The following AGBL4 variants were observed in gnomAD, a reference collection of about 807,000 sequenced individuals.
AGBL4 encodes AGBL carboxypeptidase 4.
AGBL4 carries 58 observed loss-of-function variants against 66.4 expected under a neutral mutation model. The observed-to-expected ratio is 0.87, with a 90% CI of 0.71 to 1.09. AGBL4 has a LOEUF of 1.09. Among genes scored for constraint, AGBL4 ranks in the 50% least tolerant of loss-of-function variants. The probability of loss-of-function intolerance (pLI) is 0.00; values close to 1 mark genes in which losing one functional copy is unlikely to be tolerated. For synonymous variants in AGBL4, 234 were observed against 222.9 expected, an observed-to-expected ratio of 1.05 and a Z score of -0.44; for missense variants, 579 against 631.0, an observed-to-expected ratio of 0.92 and a Z score of 0.88.
intron 3 of AGBL4, among the ~76,000 whole-genome samples, chr1:49,686,556 T>G (rs1173971734): frequency 1.3e-5 from 2 of 152,218 alleles, no homozygotes; most frequent in Admixed American, 6.5e-5. Flanking sequence ...GTGGTAGGAT[T>G]TGCCACTTCT....
intron 4 of AGBL4, among the ~76,000 whole-genome samples, chr1:49,140,878 A>T (rs546390699): frequency 3.3e-5 from 5 of 152,320 alleles, no homozygotes; most frequent in Admixed American, 2.6e-4. Flanking sequence ...AAATACTATA[A>T]ATGCAATGGG....
At chr1:49,937,851 G>C (rs1654261606) in intron 1 of AGBL4, among the ~76,000 whole-genome samples, 1 of 151,700 alleles carries the variant, frequency 6.6e-6, no homozygotes. Flanking sequence ...GTGTGTAGAG[G>C]GATTATACAT....
At chr1:49,618,019 G>A (rs573512153) in intron 3 of AGBL4, among the ~76,000 whole-genome samples, 7 of 152,114 alleles carry the variant, frequency 4.6e-5, no homozygotes, top group East Asian at 1.9e-4. Flanking sequence ...CCCAACACCC[G>A]ACACGCCCTG....
At chr1:49,748,874 T>C (rs1651216582) in intron 2 of AGBL4, among the ~76,000 whole-genome samples, 1 of 152,162 alleles carries the variant, frequency 6.6e-6, no homozygotes, top group South Asian at 2.1e-4. Context: ...TTCTTGTAAA[T>C]GTGTTTAGGT....
At chr1:49,994,751 C>T (rs771536466) in intron 1 of AGBL4, 16 of 210,712 alleles carry the variant, frequency 7.6e-5, no homozygotes, top group Non-Finnish European at 1.4e-4. Context: ...AGAGAATCTA[C>T]AGACCCTTTG....
At chr1:49,165,635 G>A (rs1311600647) in intron 4 of AGBL4, among the ~76,000 whole-genome samples, 1 of 151,482 alleles carries the variant, frequency 6.6e-6, no homozygotes, top group Non-Finnish European at 1.5e-5. Flanking sequence ...AGACAAGAAA[G>A]GGAAAAGAAG....
chr1:49,340,548 C>T (rs1294739193), intron 3 of AGBL4, among the ~76,000 whole-genome samples: 3 of 152,200 alleles, frequency 2.0e-5, no homozygotes, highest in Non-Finnish European at 4.4e-5. Flanking sequence ...CAGGTCCTTA[C>T]TCCAAGAATC....
At chr1:48,676,945 G>A (rs1646375571) in intron 6 of AGBL4, among the ~76,000 whole-genome samples, 1 of 152,080 alleles carries the variant, frequency 6.6e-6, no homozygotes, top group Non-Finnish European at 1.5e-5. Context: ...AGGAGAAGAG[G>A]ACCAGTGGTC....
At chr1:49,168,953 C>A (rs2148157835) in intron 4 of AGBL4, among the ~76,000 whole-genome samples, 1 of 152,246 alleles carries the variant, frequency 6.6e-6, no homozygotes, top group South Asian at 2.1e-4. Flanking sequence ...CTTTATAGGG[C>A]ACATTTTTCA....
chr1:48,742,834 A>G lies in AGBL4; in HGVS notation c.635-79593T>C. 2.8e-6 allele frequency: 4 copies of G among 1,419,926 alleles called. No homozygotes were observed. In the Middle Eastern group the frequency reaches 5.7e-4, roughly 201 times the overall value. The allele number at this position is 1,419,926 out of a possible 1,614,324, so 88.0% of individuals were successfully genotyped here. ...AGGAAAATAAAAGGCAAATATTTTT[A>G]ACTAGGCATCTATCAGCACACCATG... On this transcript the variant is annotated intron_variant, in intron 6 of 13. Coordinates refer to ENST00000371839, the MANE Select transcript of AGBL4 (RefSeq NM_032785.4).
chr1:49,636,591 A>G (rs1412967853), intron 3 of AGBL4, among the ~76,000 whole-genome samples: 1 of 152,256 alleles, frequency 6.6e-6, no homozygotes, highest in Non-Finnish European at 1.5e-5. Context: ...TCAACAATAT[A>G]ATTTTGAGTA....
At chr1:49,126,638 T>C (rs1645770016) in intron 4 of AGBL4, among the ~76,000 whole-genome samples, 1 of 152,188 alleles carries the variant, frequency 6.6e-6, no homozygotes, top group Non-Finnish European at 1.5e-5. Context: ...TATAATCAAA[T>C]AATACTCTTG....
intron 1 of AGBL4, chr1:49,995,416 C>T (rs994538645): frequency 1.0e-5 from 4 of 394,512 alleles, no homozygotes; most frequent in African/African-American, 8.3e-5. Flanking sequence ...GCAGAAGAGG[C>T]AGCCATAATC....
intron 2 of AGBL4, among the ~76,000 whole-genome samples, chr1:49,836,427 G>A (rs1645850871): frequency 6.6e-6 from 1 of 152,066 alleles, no homozygotes; most frequent in African/African-American, 2.4e-5. Flanking sequence ...AGCTCCATCA[G>A]GTCATTTATG....
chr1:49,586,372 T>C (rs945849239), intron 3 of AGBL4, among the ~76,000 whole-genome samples: 11 of 152,214 alleles, frequency 7.2e-5, no homozygotes, highest in Non-Finnish European at 1.2e-4. Flanking sequence ...AAATTTCATT[T>C]CAGTCTATCA....
chr1:48,585,454 A>G (rs1327955752), intron 11 of AGBL4: 5 of 152,232 alleles, frequency 3.3e-5, no homozygotes, highest in African/African-American at 1.2e-4. Context: ...CAGATTCTGG[A>G]GAAGGCATAG....
intron 2 of AGBL4, among the ~76,000 whole-genome samples, chr1:49,766,877 G>A (rs1276343110): frequency 6.8e-6 from 1 of 147,406 alleles, no homozygotes; most frequent in Admixed American, 6.6e-5. Flanking sequence ...TAATTTAAAA[G>A]GGTTCAATTC....
chr1:48,580,736 C>A (rs944286890), intron 11 of AGBL4, among the ~76,000 whole-genome samples: 1 of 152,088 alleles, frequency 6.6e-6, no homozygotes, highest in Non-Finnish European at 1.5e-5. Flanking sequence ...ATAATTGCAC[C>A]TTGTGAGTAC....
intron 1 of AGBL4, among the ~76,000 whole-genome samples, chr1:49,939,864 A>T (rs1180432083): frequency 6.6e-6 from 1 of 152,246 alleles, no homozygotes; most frequent in African/African-American, 2.4e-5. Context: ...ATCTAATTAA[A>T]CTAAAGAGCT....
Sources: allele counts gnomAD v4.1 joint callset (sites outside exome capture counted in the v4.1 genomes callset), GRCh38; gene constraint gnomAD v4.1.1; transcripts MANE v1.5; gene names NCBI Gene and HGNC (gene_info 2026-07-23, HGNC 2026-07-21).